FBXL17: variants seen among roughly 807,000 people sequenced by gnomAD.
The protein encoded by FBXL17 is F-box/LRR-repeat protein 17.
Under a neutral mutation model 66.2 loss-of-function variants are expected in FBXL17, and 22 were observed. The ratio of observed to expected loss-of-function variants is 0.33; its 90% CI spans 0.24 to 0.47. FBXL17 has a LOEUF of 0.47. Among genes scored for constraint, FBXL17 ranks in the 20% least tolerant of loss-of-function variants. The probability of loss-of-function intolerance (pLI) is 1.00; values close to 1 mark genes in which losing one functional copy is unlikely to be tolerated. For missense variants in FBXL17, 878 were observed against 948.2 expected (o/e 0.93, Z 0.97); for synonymous variants, 474 against 400.5 (o/e 1.18, Z -2.19).
chr5:108,312,405 T>C (rs1044745900), intron 4 of FBXL17, among the ~76,000 whole-genome samples: 7 of 152,286 alleles, frequency 4.6e-5, no homozygotes, highest in East Asian at 3.9e-4. Flanking sequence ...GAGTAGCAGA[T>C]TGCTTGACTG....
At chr5:108,220,023 TTTC>T (rs1754792205) in intron 5 of FBXL17, among the ~76,000 whole-genome samples, 1 of 151,080 alleles carries the variant, frequency 6.6e-6, no homozygotes, top group African/African-American at 2.4e-5. Context: ...ATTTGAAATC[TTTC>T]TTTTTTCTCA....
At position 108,169,436 on chromosome 5, in the gene FBXL17, A is replaced by T. The variant is rs980282063; in HGVS notation, c.1745+16681T>A. 7.9e-5 allele frequency among the ~76,000 whole-genome samples: 12 copies of T among 152,312 alleles called. No homozygotes were observed. The South Asian group carries it at 2.5e-3, about 32-fold the overall frequency. On this transcript the variant is annotated intron_variant, in intron 6 of 8. Transcript: ENST00000542267. Reference sequence around the variant, plus strand: ...ACAACTGTTGTTTTGGTTTCCTTCAAATTCATTTACTAACTTTAATGAAGA... The same window carrying T: ...ACAACTGTTGTTTTGGTTTCCTTCATATTCATTTACTAACTTTAATGAAGA...
At chr5:107,932,376 A>T (rs1159563446) in intron 7 of FBXL17, among the ~76,000 whole-genome samples, 1 of 152,146 alleles carries the variant, frequency 6.6e-6, no homozygotes, top group East Asian at 1.9e-4. Context: ...GGTGTTTAAA[A>T]TTTTCTAGGA....
rs1006183491 is a variant in FBXL17, at chr5:107,883,416, T to C, written c.1823-2237A>G. 2.6e-5 allele frequency among the ~76,000 whole-genome samples: 4 copies of C among 152,054 alleles called. No homozygotes were observed. In the East Asian group the frequency reaches 5.8e-4, roughly 22 times the overall value. ...TGCAGTGTGACATATTGGGCCTGTG[T>C]TGGCTACTGGGAATATAAGATTCAT... On this transcript the variant is annotated intron_variant, in intron 7 of 8. Coordinates refer to ENST00000542267, the MANE Select transcript of FBXL17 (RefSeq NM_001163315.3).
chr5:108,189,151 G>A (rs558011613), intron 5 of FBXL17, among the ~76,000 whole-genome samples: 4 of 152,162 alleles, frequency 2.6e-5, no homozygotes, highest in Non-Finnish European at 5.9e-5. Context: ...AGTTCTGTGG[G>A]TCAGGAGACC....
intron 3 of FBXL17, among the ~76,000 whole-genome samples, chr5:108,348,902 T>G (rs1287429704): frequency 1.3e-5 from 2 of 152,164 alleles, no homozygotes; most frequent in African/African-American, 4.8e-5. Context: ...CCTCCTGGGC[T>G]AAAGAGATCC....
intron 6 of FBXL17, among the ~76,000 whole-genome samples, chr5:108,179,940 G>A (rs1752936452): frequency 6.6e-6 from 1 of 152,032 alleles, no homozygotes; most frequent in Admixed American, 6.6e-5. Flanking sequence ...GGGAAGAGTG[G>A]ATAAATGGAA....
chr5:108,173,230 A>ATACTT (rs1395472278), intron 6 of FBXL17, among the ~76,000 whole-genome samples: 2 of 152,160 alleles, frequency 1.3e-5, no homozygotes. Flanking sequence ...AAAAGCACAT[A>ATACTT]TACTTTTTTC....
At chr5:108,160,348 G>C (rs981408332) in intron 6 of FBXL17, among the ~76,000 whole-genome samples, 3 of 152,194 alleles carry the variant, frequency 2.0e-5, no homozygotes, top group Non-Finnish European at 4.4e-5. Context: ...GGTTATAAAT[G>C]TAGCTTTTTC....
intron 6 of FBXL17, among the ~76,000 whole-genome samples, chr5:108,109,650 T>C (rs158177): frequency 0.63 from 95,705 of 151,972 alleles, 31,799 homozygotes; most frequent in East Asian, 0.92. Flanking sequence ...GCCATGAACC[T>C]AGTAAGGGAT....
At chr5:108,263,201 G>A (rs986869049) in intron 4 of FBXL17, among the ~76,000 whole-genome samples, 1 of 152,092 alleles carries the variant, frequency 6.6e-6, no homozygotes, top group East Asian at 1.9e-4. Flanking sequence ...TGGAGGGTCT[G>A]CATCTCCTTT....
intron 5 of FBXL17, among the ~76,000 whole-genome samples, chr5:108,204,769 T>C (rs1176770108): frequency 6.6e-6 from 1 of 152,140 alleles, no homozygotes; most frequent in Non-Finnish European, 1.5e-5. Flanking sequence ...TTTTATCATG[T>C]TAGACTAACA....
At chr5:108,322,675 A>G (rs1302504558) in intron 4 of FBXL17, among the ~76,000 whole-genome samples, 1 of 151,950 alleles carries the variant, frequency 6.6e-6, no homozygotes, top group Non-Finnish European at 1.5e-5. Context: ...ACTTTGCCAG[A>G]TATTAGAGGT....
intron 4 of FBXL17, among the ~76,000 whole-genome samples, chr5:108,245,132 T>C (rs1449573865): frequency 1.3e-5 from 2 of 152,144 alleles, no homozygotes; most frequent in African/African-American, 4.8e-5. Flanking sequence ...GATTTAAATG[T>C]ATAATATTCC....
intron 4 of FBXL17, chr5:108,298,990 T>C (rs1274490076): frequency 1.0e-6 from 1 of 973,006 alleles, no homozygotes; most frequent in Non-Finnish European, 1.2e-6. Context: ...TAGGAGAGTA[T>C]AACACTTTTT....
chr5:108,055,482 G>C (rs1335702117), intron 6 of FBXL17, among the ~76,000 whole-genome samples: 1 of 150,392 alleles, frequency 6.6e-6, no homozygotes, highest in African/African-American at 2.4e-5. Flanking sequence ...GGTGGTGGGC[G>C]CCTGTAGTCC....
At chr5:108,221,231 C>G (rs1291060508) in intron 5 of FBXL17, among the ~76,000 whole-genome samples, 1 of 152,182 alleles carries the variant, frequency 6.6e-6, no homozygotes, top group Non-Finnish European at 1.5e-5. Flanking sequence ...AAAGGGACCA[C>G]AAGAGGATAT....
intron 6 of FBXL17, among the ~76,000 whole-genome samples, chr5:108,170,742 C>T (rs1752578112): frequency 6.6e-6 from 1 of 152,110 alleles, no homozygotes; most frequent in African/African-American, 2.4e-5. Context: ...CCATGTTGGC[C>T]AGGCTGGTTT....
chr5:107,952,290 T>A (rs1452309268), intron 7 of FBXL17, among the ~76,000 whole-genome samples: 1 of 152,178 alleles, frequency 6.6e-6, no homozygotes, highest in African/African-American at 2.4e-5. Context: ...AGAAACTGAA[T>A]TTTTTTGTAT....
Sources: gnomAD v4.1 joint callset for allele counts (sites outside exome capture counted in the v4.1 genomes callset) on GRCh38, gnomAD v4.1.1 for gene constraint, MANE v1.5 for transcripts, NCBI Gene and HGNC (gene_info 2026-07-23, HGNC 2026-07-21) for gene names.